The following PHF13 variants were observed in gnomAD, a reference collection of about 807,000 sequenced individuals.
PHF13 encodes the protein PHD zinc finger protein PHF5.
In PHF13, 1 loss-of-function variant was observed where a neutral mutation model predicts 25.8. The observed-to-expected ratio is 0.04, with a 90% CI of 0.01 to 0.18. PHF13 has a LOEUF of 0.18. PHF13 is among the 10% of genes least tolerant of loss of function. The pLI is 1.00. For missense variants in PHF13, 306 were observed against 403.2 expected, an observed-to-expected ratio of 0.76 and a Z score of 2.06; for synonymous variants, 195 against 162.4, an observed-to-expected ratio of 1.20 and a Z score of -1.53.
chr1:6,621,632 G>T lies in PHF13; in HGVS notation c.898G>T (p.Asp300Tyr). 1 of 1,614,112 alleles carries T rather than the reference G, an allele frequency of 6.2e-7. No individual in the cohort carries two copies. The change falls in exon 4 of 4, where the codon GAC (aspartate) becomes TAC (tyrosine). Residue 300 changes from aspartate to tyrosine, a missense_variant. Coordinates refer to ENST00000377648, the MANE Select transcript of PHF13 (RefSeq NM_153812.3). This position sits in a 1 kb window ranked among gnomAD's most constrained non-coding sequence, Gnocchi z 4.8. ...SRTGSRKLFL[D>Y] is the part of the protein sequence containing the mutation. ...GACGGGCTCCCGGAAGCTGTTCCTGGACTGACTGCTGGCTGGCGAGGAGGC... is the reference window on the plus strand; with the variant it reads ...GACGGGCTCCCGGAAGCTGTTCCTGTACTGACTGCTGGCTGGCGAGGAGGC...
In PHF13 at chr1:6,623,025, T is replaced by C. The variant is rs1257446094; in HGVS notation, c.*1388T>C. The C allele has an allele frequency of 6.6e-6, 1 of 152,268 alleles. No individual in the cohort carries two copies. The highest frequency in any genetic ancestry group is 2.4e-5 in the African/African-American group (1 of 41,476). 9.4% of individuals were successfully genotyped at this position (152,268 alleles called of 1,614,324 possible). ...TAGGTTTTCATAAGCATTGTTTCTT[T>C]AAGGCATGGAAAGGGAAGAATGCTC... is the stretch of plus-strand genomic sequence containing the variant. On this transcript the variant is annotated 3_prime_UTR_variant, in exon 4 of 4. Transcript: ENST00000377648.
rs1641390287 is a variant in PHF13, at chr1:6,623,920, TTATGTG to T, written c.*2287_*2292del. On this transcript the variant is annotated 3_prime_UTR_variant, in exon 4 of 4. Transcript: ENST00000377648. ...ACATGGTTCTGTGTAATTTTAAAGT[TTATGTG>T]TATAAAGCGAAGCTGTTTCTGTGAA... 1 of 152,666 alleles carries T rather than the reference TTATGTG, an allele frequency of 6.6e-6. No homozygotes were observed. Among genetic ancestry groups the T allele is most frequent in the Admixed American group, 6.5e-5 (1 of 15,282 alleles). The allele number at this position is 152,666 out of a possible 1,614,324, so 9.5% of individuals were successfully genotyped here.
At chr1:6,617,519 C>T (rs1178459693) in intron 2 of PHF13, among the ~76,000 whole-genome samples, 1 of 152,174 alleles carries the variant, frequency 6.6e-6, no homozygotes, top group Admixed American at 6.5e-5. Context: ...CTCACTGCAA[C>T]CTCTGCCTCC....
Position 6,613,977 on chromosome 1 carries a change from G to A in PHF13, c.-90G>A, listed in dbSNP as rs1209277625. The A allele has an allele frequency of 4.4e-6, 4 of 911,126 alleles. No individual in the cohort carries two copies. The highest frequency in any genetic ancestry group is 6.7e-6 in the Non-Finnish European group (4 of 598,726). The allele number at this position is 911,126 out of a possible 1,614,324, so 56.4% of individuals were successfully genotyped here. On this transcript the variant is annotated 5_prime_UTR_variant, in exon 1 of 4. Coordinates refer to ENST00000377648, the MANE Select transcript of PHF13 (RefSeq NM_153812.3). ...CCTCCCGGGTCCGCCCTCGCCCTGC[G>A]CAGCCGCCCGAGCCCCCAGCCCCGG...
intron 1 of PHF13, among the ~76,000 whole-genome samples, chr1:6,615,850 C>T (rs1242273892): frequency 6.6e-6 from 1 of 152,040 alleles, no homozygotes; most frequent in African/African-American, 2.4e-5. Context: ...CAGTAAGGTT[C>T]TTGGTTTATT....
Position 6,613,870 on chromosome 1 carries a change from C to T in PHF13, c.-197C>T. On this transcript the variant is annotated 5_prime_UTR_variant, in exon 1 of 4. Transcript: ENST00000377648. Reference sequence around the variant, plus strand: ...CGGGAGCTGCATCGTCCACTCCGGTCGGCGGTGGAACCGCCAGTCCGGGGT... The same window carrying T: ...CGGGAGCTGCATCGTCCACTCCGGTTGGCGGTGGAACCGCCAGTCCGGGGT... 2.0e-6 allele frequency: 1 copy of T among 503,502 alleles called. No individual in the cohort carries two copies. The highest frequency in any genetic ancestry group is 3.5e-6 in the Non-Finnish European group (1 of 287,442). The allele number at this position is 503,502 out of a possible 1,614,324, so 31.2% of individuals were successfully genotyped here.
Position 6,613,832 on chromosome 1 carries a change from G to T in PHF13, c.-235G>T. 1 of 269,736 alleles carries T rather than the reference G, an allele frequency of 3.7e-6. No homozygotes were observed. The highest frequency in any genetic ancestry group is 4.4e-5 in the South Asian group (1 of 22,882). The allele number at this position is 269,736 out of a possible 1,614,324, so 16.7% of individuals were successfully genotyped here. ...CGCCGCCCCCTGCAGCCACTCTCCC[G>T]CCTCTACCGCCGCGGGAGCTGCATC... On this transcript the variant is annotated 5_prime_UTR_variant, in exon 1 of 4. Coordinates refer to ENST00000377648, the MANE Select transcript of PHF13 (RefSeq NM_153812.3).
intron 1 of PHF13, chr1:6,614,438 C>T (rs986752928): frequency 3.1e-6 from 1 of 323,864 alleles, no homozygotes; most frequent in South Asian, 4.0e-5. Flanking sequence ...CCCTCCCCGC[C>T]GGCCTGCTTA....
chr1:6,617,739 T>G (rs1329192497), intron 2 of PHF13, among the ~76,000 whole-genome samples: 1 of 152,210 alleles, frequency 6.6e-6, no homozygotes, highest in Admixed American at 6.5e-5. Flanking sequence ...GTCTGCTTGC[T>G]TTTAATAAGG....
chr1:6,617,285 C>T (rs1249912864), intron 2 of PHF13, among the ~76,000 whole-genome samples: 2 of 152,112 alleles, frequency 1.3e-5, no homozygotes, highest in African/African-American at 2.4e-5. Flanking sequence ...AGGGTTTTAC[C>T]TTGTTGGCCA....
intron 2 of PHF13, among the ~76,000 whole-genome samples, chr1:6,617,218 T>C (rs1641275266): frequency 1.3e-5 from 2 of 151,572 alleles, no homozygotes; most frequent in South Asian, 4.2e-4. Flanking sequence ...TCCTCAGTAG[T>C]TGGGATGACA....
chr1:6,613,988 A>G lies in PHF13; in HGVS notation c.-79A>G. 7 of 1,008,810 alleles carry G rather than the reference A, an allele frequency of 6.9e-6. No individual in the cohort carries two copies. The South Asian group carries it at 8.5e-5, about 12-fold the overall frequency. The allele number at this position is 1,008,810 out of a possible 1,614,324, so 62.5% of individuals were successfully genotyped here. A position where few individuals can be genotyped will look rare whatever the true frequency, so the allele number is the denominator to read the frequency against. The stretch of plus-strand genomic sequence containing the variant: ...CGCCCTCGCCCTGCGCAGCCGCCCG[A>G]GCCCCCAGCCCCGGGCGGCCCCGCT... On this transcript the variant is annotated 5_prime_UTR_variant, in exon 1 of 4. Transcript: ENST00000377648.
intron 1 of PHF13, among the ~76,000 whole-genome samples, chr1:6,615,714 C>T (rs1034577185): frequency 2.0e-5 from 3 of 152,324 alleles, no homozygotes; most frequent in South Asian, 2.1e-4. Flanking sequence ...CAAATAAGAG[C>T]TCCATCTCTC....
chr1:6,618,638 T>G (rs1641296550), intron 2 of PHF13, among the ~76,000 whole-genome samples: 2 of 152,160 alleles, frequency 1.3e-5, no homozygotes, highest in African/African-American at 4.8e-5. Context: ...GCCTGCTTTC[T>G]TTTCTTTCTT....
intron 1 of PHF13, 92 bp from the exon 2 acceptor site, chr1:6,616,665 C>T (rs1641265639): frequency 3.8e-6 from 4 of 1,047,846 alleles, no homozygotes; most frequent in Non-Finnish European, 6.0e-6. Context: ...GAGTGATTGA[C>T]TACAAAAGTT....
At chr1:6,619,467 G>A (rs1323706893) in intron 2 of PHF13, among the ~76,000 whole-genome samples, 1 of 152,112 alleles carries the variant, frequency 6.6e-6, no homozygotes, top group African/African-American at 2.4e-5. Context: ...AGCCTCCCAA[G>A]TAGCTGGGAC....
At chr1:6,617,410 CAAATA>C (rs1243503977) in intron 2 of PHF13, among the ~76,000 whole-genome samples, 1 of 150,048 alleles carries the variant, frequency 6.7e-6, no homozygotes, top group Non-Finnish European at 1.5e-5. Flanking sequence ...AGTTTATTTA[CAAATA>C]AAATATGTGA....
At chr1:6,614,226 G>A in intron 1 of PHF13, 121 bp downstream of exon 1, 2 of 682,248 alleles carry the variant, frequency 2.9e-6, no homozygotes, top group South Asian at 1.7e-5. Context: ...CTTTCCCCTC[G>A]TCGGCCCCCC....
rs1291845757 is a variant in PHF13, at chr1:6,621,042, A to AC, written c.677-369_677-368insC. On this transcript the variant is annotated intron_variant, in intron 3 of 3. Transcript: ENST00000377648. This position sits in a 1 kb window ranked among gnomAD's most constrained non-coding sequence, Gnocchi z 4.8. The stretch of plus-strand genomic sequence containing the variant: ...AAAACTCCGTCTCAAGAAAAAAAAA[A>AC]AAAACAATAGTCGAGTGTGGTGGTG... Among the ~76,000 whole-genome samples the AC allele has an allele frequency of 3.3e-5, 5 of 149,966 alleles. No homozygotes were observed. The highest frequency in any genetic ancestry group is 7.4e-5 in the Non-Finnish European group (5 of 67,514).
Sources: gnomAD v4.1 joint callset for allele counts (sites outside exome capture counted in the v4.1 genomes callset) on GRCh38, gnomAD v4.1.1 for gene constraint, Gnocchi (gnomAD v3.1) non-coding constraint, MANE v1.5 for transcripts, NCBI Gene and HGNC (gene_info 2026-07-23, HGNC 2026-07-21) for gene names.